Variants in VTI1A observed in about 807,000 individuals in gnomAD.
VTI1A encodes vesicle transport through interaction with t-SNAREs 1A, also known as vesicle transport through interaction with t-SNAREs homolog 1A.
Under a neutral mutation model 34.9 loss-of-function variants are expected in VTI1A, and 22 were observed. The ratio of observed to expected loss-of-function variants is 0.63; its 90% CI spans 0.45 to 0.90. VTI1A has a LOEUF of 0.90. Among genes scored for constraint, VTI1A ranks in the 40% least tolerant of loss-of-function variants. VTI1A has a pLI of 0.00. For missense variants in VTI1A, 268 were observed against 275.6 expected, an observed-to-expected ratio of 0.97 and a Z score of 0.20; for synonymous variants, 87 against 97.3, an observed-to-expected ratio of 0.89 and a Z score of 0.62.
intron 7 of VTI1A, among the ~76,000 whole-genome samples, chr10:112,707,438 A>G (rs1014767210): frequency 6.6e-6 from 1 of 152,102 alleles, no homozygotes; most frequent in African/African-American, 2.4e-5. Context: ...GGTTCAAGCA[A>G]TTCTCCTGCC....
chr10:112,450,040 C>G (rs1442102919), intron 1 of VTI1A: 1 of 152,002 alleles, frequency 6.6e-6, no homozygotes, highest in East Asian at 2.0e-4. Flanking sequence ...TGGGACTACT[C>G]AAGCCACTGT....
intron 4 of VTI1A, among the ~76,000 whole-genome samples, chr10:112,528,822 C>T (rs1850330432): frequency 6.6e-6 from 1 of 152,160 alleles, no homozygotes; most frequent in Non-Finnish European, 1.5e-5. Context: ...CTGTCTAACT[C>T]AGACTCCTTT....
intron 7 of VTI1A, among the ~76,000 whole-genome samples, chr10:112,696,789 T>C (rs1433637884): frequency 6.6e-6 from 1 of 152,212 alleles, no homozygotes; most frequent in Non-Finnish European, 1.5e-5. Flanking sequence ...ATGCTTTTTC[T>C]GCTGAGGGAT....
In VTI1A at chr10:112,594,842, C is replaced by T. The variant is rs942284645; in HGVS notation, c.427+56512C>T. Among the ~76,000 whole-genome samples the T allele has an allele frequency of 2.6e-3, 397 of 151,888 alleles. 1 individual carries two copies. Among genetic ancestry groups the T allele is most frequent in the African/African-American group, 9.3e-3 (384 of 41,290 alleles). On this transcript the variant is annotated intron_variant, in intron 5 of 7. Transcript: ENST00000393077. ...GTTCATATGGAACCAAAAAAGAACC[C>T]GCATCGCCAAGTCAATCCTAAGCCA... is the stretch of plus-strand genomic sequence containing the variant.
chr10:112,514,545 C>T (rs558428146), intron 3 of VTI1A, among the ~76,000 whole-genome samples: 5 of 151,266 alleles, frequency 3.3e-5, no homozygotes, highest in African/African-American at 9.7e-5. Flanking sequence ...GCTAACTTTG[C>T]GCTTAGTTTA....
chr10:112,460,879 A>G (rs1847706540), intron 2 of VTI1A, among the ~76,000 whole-genome samples: 1 of 152,256 alleles, frequency 6.6e-6, no homozygotes, highest in South Asian at 2.1e-4. Context: ...CAGACACTGG[A>G]TTAAAAATAC....
At chr10:112,760,442 G>A (rs544587429) in intron 7 of VTI1A, among the ~76,000 whole-genome samples, 3 of 152,222 alleles carry the variant, frequency 2.0e-5, no homozygotes, top group East Asian at 1.9e-4. Flanking sequence ...TGCAGAAAGC[G>A]AAACCATGGA....
At chr10:112,686,180 C>G (rs934475570) in intron 7 of VTI1A, among the ~76,000 whole-genome samples, 14 of 152,166 alleles carry the variant, frequency 9.2e-5, no homozygotes, top group African/African-American at 3.1e-4. Flanking sequence ...CTGGTTGTTA[C>G]AAACCATGCA....
the VTI1A span, among the ~76,000 whole-genome samples, chr10:112,839,383 C>G: frequency 6.6e-6 from 1 of 152,046 alleles, no homozygotes; most frequent in Non-Finnish European, 1.5e-5. Context: ...AGCTGAGTCC[C>G]GAAAAATGCT....
intron 5 of VTI1A, among the ~76,000 whole-genome samples, chr10:112,572,486 A>G (rs1365161914): frequency 6.6e-6 from 1 of 152,240 alleles, no homozygotes; most frequent in Non-Finnish European, 1.5e-5. Flanking sequence ...GAAAGTCATG[A>G]AACTATCATT....
chr10:112,587,239 G>A (rs1844196268), intron 5 of VTI1A, among the ~76,000 whole-genome samples: 1 of 152,094 alleles, frequency 6.6e-6, no homozygotes, highest in Admixed American at 6.6e-5. Context: ...TAAATGTTCT[G>A]AGTAAACATT....
rs145910815 is a variant in VTI1A at position 112,692,849 on chromosome 10, T to G, written c.560+23851T>G. Among the ~76,000 whole-genome samples the G allele has an allele frequency of 4.0e-3, 611 of 152,352 alleles. 3 individuals carry two copies. The highest frequency in any genetic ancestry group is 0.016 in the South Asian group (78 of 4,824). On this transcript the variant is annotated intron_variant, in intron 7 of 7. Coordinates refer to ENST00000393077, the MANE Select transcript of VTI1A (RefSeq NM_145206.4). ...GTGGGAACCACTGCTGCACTGGCCTTGGCGGGTTCCTTGCCCATCTCCCCA... is the reference window on the plus strand; with the variant it reads ...GTGGGAACCACTGCTGCACTGGCCTGGGCGGGTTCCTTGCCCATCTCCCCA...
chr10:112,805,058 G>T (rs1283006504), intron 7 of VTI1A, among the ~76,000 whole-genome samples: 4 of 151,168 alleles, frequency 2.6e-5, no homozygotes, highest in South Asian at 2.1e-4. Flanking sequence ...AGAGACTTGG[G>T]TCTCACCATG....
chr10:112,692,407 T>C (rs566495478), intron 7 of VTI1A, among the ~76,000 whole-genome samples: 18 of 152,352 alleles, frequency 1.2e-4, no homozygotes, highest in African/African-American at 4.1e-4. Context: ...TCCCTGCACC[T>C]TCATGGAAGC....
chr10:112,820,409 A>G (rs563931732), downstream of VTI1A, among the ~76,000 whole-genome samples: 130 of 152,320 alleles, frequency 8.5e-4, no homozygotes, highest in Non-Finnish European at 1.2e-3. Context: ...CTCTAACTCT[A>G]AACTAGCCCC....
intron 3 of VTI1A, among the ~76,000 whole-genome samples, chr10:112,481,398 A>G (rs1256716248): frequency 6.6e-6 from 1 of 152,208 alleles, no homozygotes; most frequent in African/African-American, 2.4e-5. Context: ...CTTTGATAGC[A>G]TACGGACTGT....
At chr10:112,757,000 T>G (rs190098753) in intron 7 of VTI1A, among the ~76,000 whole-genome samples, 7 of 151,092 alleles carry the variant, frequency 4.6e-5, no homozygotes, top group African/African-American at 1.7e-4. Flanking sequence ...GAGCCGAAAT[T>G]GCGCCACTGC....
chr10:112,476,587 G>A (rs1451688686), intron 3 of VTI1A, among the ~76,000 whole-genome samples: 2 of 152,174 alleles, frequency 1.3e-5, no homozygotes, highest in African/African-American at 4.8e-5. Flanking sequence ...GTATGGTAGT[G>A]ATGTCCACAT....
Position 112,477,724 on chromosome 10 carries a change from G to T in VTI1A, c.264+13067G>T, listed in dbSNP as rs557978688. Among the ~76,000 whole-genome samples, 17 of 152,216 alleles carry T rather than the reference G, an allele frequency of 1.1e-4. No individual in the cohort carries two copies. The East Asian group carries it at 3.3e-3, about 29-fold the overall frequency. ...AATGAGTTCCTTAAAACTGTATTTT[G>T]TACTTTAAAACAAGGATGCCCTTTG... On this transcript the variant is annotated intron_variant, in intron 3 of 7. Transcript: ENST00000393077.
Sources: gnomAD v4.1 joint callset for allele counts (sites outside exome capture counted in the v4.1 genomes callset) on GRCh38, gnomAD v4.1.1 for gene constraint, MANE v1.5 for transcripts, NCBI Gene and HGNC (gene_info 2026-07-23, HGNC 2026-07-21) for gene names.